The following NDUFAF4 variants were observed in gnomAD, a reference collection of about 807,000 sequenced individuals.
NDUFAF4 encodes NADH:ubiquinone oxidoreductase complex assembly factor 4.
NDUFAF4 carries 10 observed loss-of-function variants against 15.6 expected under a neutral mutation model. The ratio of observed to expected loss-of-function variants is 0.64; its 90% confidence interval spans 0.40 to 1.09. The LOEUF (loss-of-function observed/expected upper bound fraction) is 1.09, where lower values mean the gene tolerates loss of function less well. Among genes scored for constraint, NDUFAF4 ranks in the 50% least tolerant of loss-of-function variants. NDUFAF4 has a pLI of 0.01. For missense variants in NDUFAF4, 203 were observed against 207.3 expected, an observed-to-expected ratio of 0.98 and a Z score of 0.13; for synonymous variants, 77 against 73.3, an observed-to-expected ratio of 1.05 and a Z score of -0.26.
chr6:96,893,042 T>G (rs1775333727), intron 2 of NDUFAF4, among the ~76,000 whole-genome samples: 1 of 152,116 alleles, frequency 6.6e-6, no homozygotes, highest in African/African-American at 2.4e-5. Context: ...ATCCTCAATT[T>G]CAATGACCAA....
At position 96,896,802 on chromosome 6, in the gene NDUFAF4, A is replaced by C; in HGVS notation, c.182T>G (p.Leu61Arg). ...ATACACATCTTTTAGAAACGACAGC[A>C]GCTTTTCATCTTTACGAGCAATCTC... Reference protein sequence around the residue: ...KGEIARKDEKLLSFLKDVYVD... With the variant: ...KGEIARKDEKRLSFLKDVYVD... Residue 61 changes from leucine (L) to arginine (R), a missense_variant, in exon 2 of 3, where the codon CTG becomes CGG. Coordinates refer to ENST00000316149, the MANE Select transcript of NDUFAF4 (RefSeq NM_014165.4). 1 of 1,613,974 alleles carries C rather than the reference A, an allele frequency of 6.2e-7. No homozygotes were observed. Among genetic ancestry groups the C allele is most frequent in the Non-Finnish European group, 8.5e-7 (1 of 1,179,988 alleles).
Position 96,889,950 on chromosome 6 carries a change from T to C in NDUFAF4, c.*1154A>G, listed in dbSNP as rs886061825. The C allele has an allele frequency of 2.0e-5, 3 of 152,178 alleles. No homozygotes were observed. Among genetic ancestry groups the C allele is most frequent in the Non-Finnish European group, 4.4e-5 (3 of 68,022 alleles). 9.4% of individuals were successfully genotyped at this position (152,178 alleles called of 1,614,324 possible). On this transcript the variant is annotated 3_prime_UTR_variant, in exon 3 of 3. Transcript: ENST00000316149. ...CCGCAAAAAATAATTCCTATTTGCT[T>C]GGTCCTTTGTAGTCCTTTATTATTT...
chr6:96,891,394 AG>A lies in NDUFAF4; in HGVS notation c.241-4del, dbSNP rs1300428914. On this transcript the variant is annotated splice_region_variant and splice_polypyrimidine_tract_variant and intron_variant, in intron 2 of 2. Coordinates refer to ENST00000316149, the MANE Select transcript of NDUFAF4 (RefSeq NM_014165.4). ...TGACATGTTTCAGCAGCTTTTACCT[AG>A]TATCAAAAAAAAAAGGTTTTAGGAT... 2.7e-6 allele frequency: 4 copies of A among 1,504,636 alleles called. No homozygotes were observed. The African/African-American group carries it at 7.2e-5, about 27-fold the overall frequency. The allele number at this position is 1,504,636 out of a possible 1,614,324, so 93.2% of individuals were successfully genotyped here. A position where few individuals can be genotyped will look rare whatever the true frequency, so the allele number is the denominator to read the frequency against.
chr6:96,896,208 A>G (rs983458408), intron 2 of NDUFAF4: 6 of 164,090 alleles, frequency 3.7e-5, no homozygotes, highest in Admixed American at 2.9e-4. Flanking sequence ...ACTTGTGCCC[A>G]GGACTTACAT....
chr6:96,892,583 C>T (rs905650427), intron 2 of NDUFAF4, among the ~76,000 whole-genome samples: 1 of 152,064 alleles, frequency 6.6e-6, no homozygotes. Context: ...TTGCTTAATT[C>T]AGAGGACACT....
Position 96,893,153 on chromosome 6 carries a change from T to C in NDUFAF4, c.241-1762A>G, listed in dbSNP as rs146566295. Among the ~76,000 whole-genome samples the C allele has an allele frequency of 2.9e-3, 442 of 152,234 alleles. 2 individuals are homozygous for C. The highest frequency in any genetic ancestry group is 0.02 in the Middle Eastern group (6 of 294). The stretch of plus-strand genomic sequence containing the variant: ...ACCAAATCCTGTTGACACTGCATCA[T>C]ATGTCTCTCTCAAACTCACTCACAT... On this transcript the variant is annotated intron_variant, in intron 2 of 2. Coordinates refer to ENST00000316149, the MANE Select transcript of NDUFAF4 (RefSeq NM_014165.4).
chr6:96,891,409 A>AC lies in NDUFAF4; in HGVS notation c.241-19_241-18insG, dbSNP rs397799265. The AC allele has an allele frequency of 1.2e-6, 2 of 1,606,960 alleles. No individual in the cohort carries two copies. Among genetic ancestry groups the AC allele is most frequent in the African/African-American group, 2.7e-5 (2 of 74,262 alleles). On this transcript the variant is annotated intron_variant, in intron 2 of 2. Coordinates refer to ENST00000316149, the MANE Select transcript of NDUFAF4 (RefSeq NM_014165.4). ...GCTTTTACCTAGTATCAAAAAAAAAAGGTTTTAGGATGAGAGAAAAGATTT... is the reference window on the plus strand; with the variant it reads ...GCTTTTACCTAGTATCAAAAAAAAAACGGTTTTAGGATGAGAGAAAAGATTT...
At chr6:96,892,830 T>A (rs1237792758) in intron 2 of NDUFAF4, among the ~76,000 whole-genome samples, 3 of 152,116 alleles carry the variant, frequency 2.0e-5, no homozygotes, top group Non-Finnish European at 4.4e-5. Context: ...ACTCTACACA[T>A]TCTTCCAAAG....
intron 2 of NDUFAF4, among the ~76,000 whole-genome samples, chr6:96,895,088 G>A (rs950632398): frequency 6.6e-6 from 1 of 152,134 alleles, no homozygotes; most frequent in Non-Finnish European, 1.5e-5. Flanking sequence ...AAAGGTCTGG[G>A]CTCTTCAACA....
Position 96,891,065 on chromosome 6 carries a change from G to A in NDUFAF4, c.*39C>T. 6.4e-7 allele frequency: 1 copy of A among 1,562,288 alleles called. No homozygotes were observed. The highest frequency in any genetic ancestry group is 8.8e-7 in the Non-Finnish European group (1 of 1,137,484). ...AAAAATGAGAAAATATACAGCAGGA[G>A]GGATGAGGAGTACACATAGGAAATT... On this transcript the variant is annotated 3_prime_UTR_variant, in exon 3 of 3. Coordinates refer to ENST00000316149, the MANE Select transcript of NDUFAF4 (RefSeq NM_014165.4).
Position 96,891,087 on chromosome 6 carries a change from A to C in NDUFAF4, c.*17T>G. ...GGAGGGATGAGGAGTACACATAGGA[A>C]ATTTCTGTGATTTTCTTCATTTTGA... On this transcript the variant is annotated 3_prime_UTR_variant, in exon 3 of 3. Coordinates refer to ENST00000316149, the MANE Select transcript of NDUFAF4 (RefSeq NM_014165.4). 1 of 1,609,502 alleles carries C rather than the reference A, an allele frequency of 6.2e-7. No individual in the cohort carries two copies. The highest frequency in any genetic ancestry group is 1.3e-5 in the African/African-American group (1 of 74,878).
Position 96,889,892 on chromosome 6 carries a change from G to A in NDUFAF4, c.*1212C>T, listed in dbSNP as rs1775291372. On this transcript the variant is annotated 3_prime_UTR_variant, in exon 3 of 3. Transcript: ENST00000316149. ...TAAGTCATAAACTACAGAATCTTCG[G>A]TCATATATTCTCCCCAGGCACTTGT... is the stretch of plus-strand genomic sequence containing the variant. 6.6e-6 allele frequency: 1 copy of A among 152,006 alleles called. No individual in the cohort carries two copies. 9.4% of individuals were successfully genotyped at this position (152,006 alleles called of 1,614,324 possible). A position where few individuals can be genotyped will look rare whatever the true frequency, so the allele number is the denominator to read the frequency against.
At chr6:96,896,151 G>C (rs1319397747) in intron 2 of NDUFAF4, 1 of 155,426 alleles carries the variant, frequency 6.4e-6, no homozygotes, top group Non-Finnish European at 1.4e-5. Flanking sequence ...AACATCATAG[G>C]CCCTGTGAAA....
intron 2 of NDUFAF4, among the ~76,000 whole-genome samples, chr6:96,893,463 C>T (rs1475749050): frequency 1.3e-5 from 2 of 152,126 alleles, no homozygotes; most frequent in Non-Finnish European, 2.9e-5. Context: ...TTCACATTTT[C>T]TCATAACTGC....
At chr6:96,893,700 C>T (rs1001568260) in intron 2 of NDUFAF4, among the ~76,000 whole-genome samples, 2 of 150,344 alleles carry the variant, frequency 1.3e-5, no homozygotes, top group Non-Finnish European at 3.0e-5. Flanking sequence ...ACAAAAAAAT[C>T]TAAGAAGATT....
At position 96,897,737 on chromosome 6, in the gene NDUFAF4, A is replaced by G; in HGVS notation, c.65T>C (p.Ile22Thr). 10 of 1,614,054 alleles carry G rather than the reference A, an allele frequency of 6.2e-6. No individual in the cohort carries two copies. The highest frequency in any genetic ancestry group is 8.5e-6 in the Non-Finnish European group (10 of 1,179,972). Residue 22 changes from isoleucine to threonine, a missense_variant, in exon 1 of 3, where the codon ATC becomes ACC. Coordinates refer to ENST00000316149, the MANE Select transcript of NDUFAF4 (RefSeq NM_014165.4). ...FNLENRAERE[I>T]SKMKPSVAPR... ...AGCGACAGAGGGCTTCATCTTGCTG[A>G]TTTCCCGTTCCGCTCGGTTCTCTAG...
rs2127974037 is a variant in NDUFAF4 at position 96,890,570 on chromosome 6, T to C, written c.*534A>G. 1 of 153,016 alleles carries C rather than the reference T, an allele frequency of 6.5e-6. No individual in the cohort carries two copies. The highest frequency in any genetic ancestry group is 1.5e-5 in the Non-Finnish European group (1 of 68,658). 9.5% of individuals were successfully genotyped at this position (153,016 alleles called of 1,614,324 possible). ...CCTCAATACTTCTTATTCCCTGGAG[T>C]AGTAATTTTAATTAGATTCTATTGA... On this transcript the variant is annotated 3_prime_UTR_variant, in exon 3 of 3. Coordinates refer to ENST00000316149, the MANE Select transcript of NDUFAF4 (RefSeq NM_014165.4).
At chr6:96,892,336 T>C (rs2127974389) in intron 2 of NDUFAF4, among the ~76,000 whole-genome samples, 2 of 152,364 alleles carry the variant, frequency 1.3e-5, no homozygotes, top group Admixed American at 1.3e-4. Context: ...TCCCAGCACG[T>C]GTGCTCTGCA....
At chr6:96,894,843 T>C (rs1775352387) in intron 2 of NDUFAF4, among the ~76,000 whole-genome samples, 1 of 152,218 alleles carries the variant, frequency 6.6e-6, no homozygotes, top group Non-Finnish European at 1.5e-5. Context: ...ATAGGACTTA[T>C]TAAAGAACCT....
Sources: allele counts gnomAD v4.1 joint callset (sites outside exome capture counted in the v4.1 genomes callset), GRCh38; gene constraint gnomAD v4.1.1; transcripts MANE v1.5; gene names NCBI Gene and HGNC (gene_info 2026-07-23, HGNC 2026-07-21).